FTO: variants seen among roughly 807,000 people sequenced by gnomAD.
FTO encodes the protein alpha-ketoglutarate-dependent dioxygenase FTO.
Under a neutral mutation model 63.9 loss-of-function variants are expected in FTO, and 47 were observed. The ratio of observed to expected loss-of-function variants is 0.74; its 90% CI spans 0.58 to 0.94. FTO has a LOEUF of 0.94. FTO is among the 40% of genes least tolerant of loss of function. The pLI, the probability that FTO is intolerant of heterozygous loss-of-function variation, is 0.00. For synonymous variants in FTO, 207 were observed against 224.4 expected, an observed-to-expected ratio of 0.92 and a Z score of 0.69; for missense variants, 562 against 618.1, an observed-to-expected ratio of 0.91 and a Z score of 0.96.
chr16:53,739,268 C>T (rs1007221270), intron 1 of FTO, among the ~76,000 whole-genome samples: 25 of 152,092 alleles, frequency 1.6e-4, no homozygotes, highest in South Asian at 6.2e-4. Flanking sequence ...TGCAATGGCA[C>T]GATGTCGGCT....
chr16:53,909,327 T>C (rs12921721), intron 7 of FTO, among the ~76,000 whole-genome samples: 109,533 of 151,966 alleles, frequency 0.72, 40,663 homozygotes, highest in East Asian at 0.98. Flanking sequence ...AACAGACATA[T>C]ACATGAATAA....
chr16:53,867,443 C>A lies in FTO; in HGVS notation c.896-6343C>A, dbSNP rs113407151. ...TACCCTTAATTGATAGAAGAGATAA[C>A]AATTTATTCACAATAATAACAACAA... On this transcript the variant is annotated intron_variant, in intron 4 of 8. Coordinates refer to ENST00000471389, the MANE Select transcript of FTO (RefSeq NM_001080432.3). 8.9e-3 allele frequency among the ~76,000 whole-genome samples: 1,341 copies of A among 151,222 alleles called. 24 individuals carry two copies. The highest frequency in any genetic ancestry group is 0.031 in the African/African-American group (1,284 of 41,194).
At chr16:53,987,149 A>C (rs1193516363) in intron 8 of FTO, among the ~76,000 whole-genome samples, 1 of 152,224 alleles carries the variant, frequency 6.6e-6, no homozygotes, top group Non-Finnish European at 1.5e-5. Context: ...AAGGATATAC[A>C]GAGCACTGTG....
intron 8 of FTO, among the ~76,000 whole-genome samples, chr16:54,058,596 C>T (rs1274948057): frequency 6.6e-6 from 1 of 152,202 alleles, no homozygotes; most frequent in Admixed American, 6.5e-5. Flanking sequence ...CCTACACACT[C>T]TTTTTCCATC....
At chr16:53,787,985 C>T (rs1011363947) in intron 1 of FTO, among the ~76,000 whole-genome samples, 2 of 152,266 alleles carry the variant, frequency 1.3e-5, no homozygotes, top group South Asian at 4.2e-4. Context: ...CTTCACTTAA[C>T]CATATATTGT....
At chr16:53,768,225 A>G (rs1028902417) in intron 1 of FTO, among the ~76,000 whole-genome samples, 4 of 152,162 alleles carry the variant, frequency 2.6e-5, no homozygotes, top group Admixed American at 6.5e-5. Flanking sequence ...ACATCCTTTG[A>G]TCCTTCATAT....
At chr16:54,014,553 T>A (rs4784345) in intron 8 of FTO, among the ~76,000 whole-genome samples, 11,286 of 152,102 alleles carry the variant, frequency 0.074, 637 homozygotes, top group African/African-American at 0.15. Flanking sequence ...ATAAACTTCT[T>A]TTTTTATAAA....
chr16:53,905,519 A>T (rs2081513490), intron 7 of FTO, among the ~76,000 whole-genome samples: 1 of 152,070 alleles, frequency 6.6e-6, no homozygotes, highest in Non-Finnish European at 1.5e-5. Flanking sequence ...TGACCCCTTA[A>T]CTTTCACCTG....
intron 7 of FTO, among the ~76,000 whole-genome samples, chr16:53,920,036 G>T (rs2081971409): frequency 6.6e-6 from 1 of 152,044 alleles, no homozygotes; most frequent in Admixed American, 6.6e-5. Context: ...ATAAAGAAAG[G>T]CTTCATTTTT....
At chr16:53,934,186 T>G in intron 8 of FTO, 77 bp downstream of exon 8, 1 of 1,518,954 alleles carries the variant, frequency 6.6e-7, no homozygotes, top group Non-Finnish European at 9.1e-7. Context: ...TCCTTATGGC[T>G]GGCCTCATCC....
chr16:53,917,984 A>G (rs1013844421), intron 7 of FTO, among the ~76,000 whole-genome samples: 1 of 152,202 alleles, frequency 6.6e-6, no homozygotes, highest in Non-Finnish European at 1.5e-5. Flanking sequence ...GCATGAGCTT[A>G]GTGAGACATA....
intron 3 of FTO, among the ~76,000 whole-genome samples, chr16:53,839,477 A>T (rs1330319937): frequency 6.6e-6 from 1 of 152,184 alleles, no homozygotes; most frequent in Non-Finnish European, 1.5e-5. Context: ...CAGCCTAAGG[A>T]GGGGAAAAAC....
chr16:53,983,241 A>G (rs944354763), intron 8 of FTO, among the ~76,000 whole-genome samples: 1 of 152,138 alleles, frequency 6.6e-6, no homozygotes, highest in Non-Finnish European at 1.5e-5. Context: ...TTTTTTAACA[A>G]ACTTAATTTT....
intron 8 of FTO, chr16:54,040,631 A>C (rs183004815): frequency 6.6e-5 from 10 of 152,218 alleles, no homozygotes; most frequent in African/African-American, 2.4e-4. Context: ...GAGATCTGAA[A>C]GACCAAGCCA....
intron 8 of FTO, among the ~76,000 whole-genome samples, chr16:54,111,538 C>G (rs1316216412): frequency 3.9e-5 from 6 of 152,256 alleles, no homozygotes; most frequent in Non-Finnish European, 4.4e-5. Context: ...TGAGATAATA[C>G]AAATCTGGGA....
chr16:53,864,182 G>A (rs1407610140), intron 4 of FTO, among the ~76,000 whole-genome samples: 8 of 152,194 alleles, frequency 5.3e-5, no homozygotes, highest in Non-Finnish European at 1.0e-4. Context: ...AGGTAAGTAA[G>A]AATGAAAAGC....
At chr16:53,900,311 A>C (rs553459576) in intron 7 of FTO, among the ~76,000 whole-genome samples, 125 of 152,264 alleles carry the variant, frequency 8.2e-4, no homozygotes, top group Admixed American at 1.5e-3. Context: ...TTTGGATGCA[A>C]ATAAGACCTC....
rs556774555 is a variant in FTO at position 53,889,026 on chromosome 16, A to G, written c.1239+75A>G. ...AAATCCTCCACTGCCTCATTTGCTT[A>G]GGCAAATGTAGATTTAATTATTCCT... On this transcript the variant is annotated intron_variant, in intron 7 of 8. Coordinates refer to ENST00000471389, the MANE Select transcript of FTO (RefSeq NM_001080432.3). 1.0e-3 allele frequency: 1,514 copies of G among 1,476,360 alleles called. 4 individuals are homozygous for G. Among genetic ancestry groups the G allele is most frequent in the Non-Finnish European group, 1.3e-3 (1,321 of 1,054,866 alleles). 91.5% of individuals were successfully genotyped at this position (1,476,360 alleles called of 1,614,324 possible). A position where few individuals can be genotyped will look rare whatever the true frequency, so the allele number is the denominator to read the frequency against.
intron 8 of FTO, among the ~76,000 whole-genome samples, chr16:54,010,864 A>G (rs1185470168): frequency 3.3e-5 from 5 of 152,174 alleles, no homozygotes; most frequent in South Asian, 4.1e-4. Flanking sequence ...TCTATCTTCA[A>G]TCTTGCATAC....
Sources: allele counts gnomAD v4.1 joint callset (sites outside exome capture counted in the v4.1 genomes callset), GRCh38; gene constraint gnomAD v4.1.1; transcripts MANE v1.5; gene names NCBI Gene and HGNC (gene_info 2026-07-23, HGNC 2026-07-21).